The following NELL2 variants were observed in gnomAD, a reference collection of about 807,000 sequenced individuals.
NELL2 encodes protein kinase C-binding protein NELL2.
A neutral mutation model predicts 109.6 loss-of-function variants in NELL2; 41 were observed. The observed-to-expected ratio is 0.37, with a 90% CI of 0.29 to 0.49. NELL2 has a LOEUF of 0.49. Ranked by LOEUF, NELL2 falls within the 20% of genes least tolerant of loss-of-function variation. NELL2 has a pLI of 0.98. For synonymous variants in NELL2, 355 were observed against 344.7 expected (o/e 1.03, Z -0.33); for missense variants, 900 against 1,008.3 (o/e 0.89, Z 1.45).
intron 3 of NELL2, among the ~76,000 whole-genome samples, chr12:44,802,843 T>C (rs1942877064): frequency 6.6e-6 from 1 of 151,914 alleles, no homozygotes; most frequent in South Asian, 2.1e-4. Context: ...TAAGAAGCAA[T>C]AATATCTAAT....
chr12:44,912,063 T>C (rs1021377781), intron 1 of NELL2, among the ~76,000 whole-genome samples: 3 of 151,926 alleles, frequency 2.0e-5, no homozygotes, highest in African/African-American at 7.2e-5. Context: ...GGTCTCTGTC[T>C]ATGTGTTGGG....
intron 12 of NELL2, among the ~76,000 whole-genome samples, chr12:44,684,433 T>C (rs1337872982): frequency 6.6e-6 from 1 of 152,178 alleles, no homozygotes; most frequent in Non-Finnish European, 1.5e-5. Context: ...TCTGCTCTGA[T>C]TTTAGTTATT....
At chr12:44,552,200 ACAGCAAACATAAATTTTT>A in intron 15 of NELL2, among the ~76,000 whole-genome samples, 1 of 152,346 alleles carries the variant, frequency 6.6e-6, no homozygotes, top group Middle Eastern at 3.4e-3. Flanking sequence ...ATTTTCAAGT[ACAGCAAACATAAATTTTT>A]CTGAAAGATT....
In NELL2 at chr12:44,815,809, G is replaced by C. The variant is rs139284151; in HGVS notation, c.335+177C>G. The C allele has an allele frequency of 1.6e-3, 920 of 561,380 alleles. 7 individuals carry two copies. The highest frequency in any genetic ancestry group is 0.016 in the African/African-American group (813 of 50,214). 34.8% of individuals were successfully genotyped at this position (561,380 alleles called of 1,614,324 possible). On this transcript the variant is annotated intron_variant, in intron 3 of 19. Transcript: ENST00000429094. Reference sequence around the variant, plus strand: ...AATTTTTGTATTTTTAGAAGAGACAGGGTTTCACCATATTGGTCAGGCTGG... The same window carrying C: ...AATTTTTGTATTTTTAGAAGAGACACGGTTTCACCATATTGGTCAGGCTGG...
chr12:44,650,831 G>A (rs1397324594), intron 13 of NELL2, among the ~76,000 whole-genome samples: 1 of 152,160 alleles, frequency 6.6e-6, no homozygotes, highest in African/African-American at 2.4e-5. Context: ...AAAGGCAACT[G>A]TTTGCAAGTC....
At chr12:44,709,419 C>G (rs900798921) in intron 11 of NELL2, among the ~76,000 whole-genome samples, 2 of 152,102 alleles carry the variant, frequency 1.3e-5, no homozygotes, top group African/African-American at 2.4e-5. Flanking sequence ...CATCCCTACC[C>G]AAGGTAACCA....
chr12:44,534,426 C>T (rs901792970), intron 15 of NELL2, among the ~76,000 whole-genome samples: 18 of 152,094 alleles, frequency 1.2e-4, no homozygotes, highest in African/African-American at 3.9e-4. Context: ...TATCGGCAGT[C>T]ATTCTGTCAA....
intron 1 of NELL2, among the ~76,000 whole-genome samples, chr12:44,884,436 T>G (rs2136862362): frequency 6.6e-6 from 1 of 152,112 alleles, no homozygotes; most frequent in Admixed American, 6.5e-5. Flanking sequence ...AAATCTCTAG[T>G]CTTATCTAGT....
intron 1 of NELL2, among the ~76,000 whole-genome samples, chr12:44,901,240 T>C (rs951645857): frequency 1.3e-5 from 2 of 152,088 alleles, no homozygotes; most frequent in Admixed American, 6.5e-5. Context: ...CCCGTAGAAA[T>C]ACAAACTACC....
chr12:44,655,772 T>C (rs1947477922), intron 13 of NELL2, among the ~76,000 whole-genome samples: 1 of 152,210 alleles, frequency 6.6e-6, no homozygotes, highest in Non-Finnish European at 1.5e-5. Context: ...GTGATCATGT[T>C]TATATTTTCA....
chr12:44,606,948 G>A (rs967068628), intron 15 of NELL2, among the ~76,000 whole-genome samples: 7 of 152,032 alleles, frequency 4.6e-5, no homozygotes, highest in East Asian at 1.9e-4. Flanking sequence ...TTCAATATGC[G>A]TCTAGTTATA....
chr12:44,613,876 T>C (rs1945718114), intron 13 of NELL2, among the ~76,000 whole-genome samples: 1 of 152,090 alleles, frequency 6.6e-6, no homozygotes, highest in Admixed American at 6.6e-5. Context: ...TCACACTTCC[T>C]TGAGGACTCC....
intron 17 of NELL2, chr12:44,522,699 T>C (rs556053815): frequency 6.5e-6 from 1 of 153,140 alleles, no homozygotes; most frequent in East Asian, 1.9e-4. Context: ...TTTGAGCATT[T>C]ATTATAACTA....
At chr12:44,903,106 C>A (rs917361008) in intron 1 of NELL2, among the ~76,000 whole-genome samples, 4 of 152,102 alleles carry the variant, frequency 2.6e-5, no homozygotes, top group Admixed American at 2.0e-4. Flanking sequence ...TCAGAGTGAA[C>A]AGGCAATCTA....
intron 11 of NELL2, among the ~76,000 whole-genome samples, chr12:44,707,304 G>A (rs1245248644): frequency 6.6e-6 from 1 of 152,138 alleles, no homozygotes; most frequent in African/African-American, 2.4e-5. Context: ...TTCAGTGTAT[G>A]AGAATGCTGA....
chr12:44,603,397 T>C (rs1216968645), intron 15 of NELL2, among the ~76,000 whole-genome samples: 1 of 152,178 alleles, frequency 6.6e-6, no homozygotes, highest in Non-Finnish European at 1.5e-5. Flanking sequence ...CTGAAAGATT[T>C]GCTTTTAGTA....
chr12:44,855,876 T>C (rs1944669035), intron 2 of NELL2, among the ~76,000 whole-genome samples: 1 of 152,184 alleles, frequency 6.6e-6, no homozygotes, highest in South Asian at 2.1e-4. Flanking sequence ...TAAACAGAAC[T>C]ACCATTTTTT....
intron 15 of NELL2, among the ~76,000 whole-genome samples, chr12:44,533,781 T>C (rs1204138840): frequency 1.3e-5 from 2 of 152,196 alleles, no homozygotes; most frequent in Non-Finnish European, 2.9e-5. Flanking sequence ...CATTAGCTCC[T>C]GGTTTTCAGG....
intron 13 of NELL2, among the ~76,000 whole-genome samples, chr12:44,624,994 G>GTACA (rs759847225): frequency 8.4e-6 from 1 of 118,702 alleles, no homozygotes; most frequent in Admixed American, 9.5e-5. Context: ...ATATATGTGT[G>GTACA]TGTATATATA....
Sources: allele counts gnomAD v4.1 joint callset (sites outside exome capture counted in the v4.1 genomes callset), GRCh38; gene constraint gnomAD v4.1.1; transcripts MANE v1.5; gene names NCBI Gene and HGNC (gene_info 2026-07-23, HGNC 2026-07-21).